RHOU: variants seen among roughly 807,000 people sequenced by gnomAD.
RHOU encodes rho-related GTP-binding protein RhoU.
In RHOU, 8 loss-of-function variants were observed where a neutral mutation model predicts 12.6. That is an observed-to-expected ratio of 0.64 (90% CI 0.37 to 1.15). The LOEUF (loss-of-function observed/expected upper bound fraction) is 1.15, where lower values mean the gene tolerates loss of function less well. Ranked by LOEUF, RHOU falls within the 50% of genes most tolerant of loss-of-function variation. The probability of loss-of-function intolerance (pLI) is 0.01; values close to 1 mark genes in which losing one functional copy is unlikely to be tolerated. For missense variants in RHOU, 258 were observed against 347.0 expected (o/e 0.74, Z 2.04); for synonymous variants, 161 against 147.4 (o/e 1.09, Z -0.67).
At chr1:228,650,368 C>T in the RHOU span, 14 of 460,542 alleles carry the variant, frequency 3.0e-5, no homozygotes, top group Admixed American at 9.4e-5. Context: ...GCCTGGCTCA[C>T]TCAACATCAA....
chr1:228,682,724 CAAAT>C, the RHOU span, among the ~76,000 whole-genome samples: 1 of 152,110 alleles, frequency 6.6e-6, no homozygotes, highest in African/African-American at 2.4e-5. Flanking sequence ...AATAGAAACA[CAAAT>C]AAAAACCTCA....
At chr1:228,662,661 C>T in the RHOU span, among the ~76,000 whole-genome samples, 80,441 of 141,948 alleles carry the variant, frequency 0.57, 24,005 homozygotes, top group African/African-American at 0.76. Context: ...GCAGGGAACA[C>T]CACACACTGG....
At chr1:228,676,234 G>A in the RHOU span, among the ~76,000 whole-genome samples, 1 of 151,112 alleles carries the variant, frequency 6.6e-6, no homozygotes, top group Non-Finnish European at 1.5e-5. Flanking sequence ...ACCTTCCAAA[G>A]CACTGAGATT....
the RHOU span, among the ~76,000 whole-genome samples, chr1:228,680,359 G>A: frequency 5.3e-5 from 8 of 152,168 alleles, no homozygotes; most frequent in Non-Finnish European, 7.3e-5. Flanking sequence ...ATCCCGGGCC[G>A]TGGGCATTCT....
At chr1:228,669,620 C>G in the RHOU span, among the ~76,000 whole-genome samples, 2 of 152,122 alleles carry the variant, frequency 1.3e-5, no homozygotes, top group African/African-American at 2.4e-5. Context: ...AACTAAAAGG[C>G]CTTAACTTGC....
At chr1:228,681,692 G>A in the RHOU span, among the ~76,000 whole-genome samples, 7 of 152,190 alleles carry the variant, frequency 4.6e-5, no homozygotes, top group East Asian at 3.9e-4. Flanking sequence ...GGGGCCAAGC[G>A]GTGTTGGAGA....
chr1:228,668,455 CT>C, the RHOU span, among the ~76,000 whole-genome samples: 1 of 152,130 alleles, frequency 6.6e-6, no homozygotes, highest in African/African-American at 2.4e-5. Context: ...AGCCTTTAAC[CT>C]GTGAGTTTCA....
chr1:228,687,292 C>G, the RHOU span: 1 of 648,712 alleles, frequency 1.5e-6, no homozygotes, highest in Non-Finnish European at 2.7e-6. Context: ...CAAGAGTTAT[C>G]CCTTTCTTTT....
chr1:228,670,127 A>C, the RHOU span, among the ~76,000 whole-genome samples: 6 of 152,216 alleles, frequency 3.9e-5, no homozygotes, highest in Non-Finnish European at 8.8e-5. Flanking sequence ...TGGTAAGAGC[A>C]GTAAAGAGGA....
the RHOU span, among the ~76,000 whole-genome samples, chr1:228,646,774 C>A: frequency 3.3e-5 from 5 of 151,984 alleles, no homozygotes; most frequent in African/African-American, 1.2e-4. Context: ...GTTCCGGAAC[C>A]CGCACGCGAG....
the RHOU span, among the ~76,000 whole-genome samples, chr1:228,716,105 T>C: frequency 8.5e-5 from 13 of 152,178 alleles, no homozygotes; most frequent in Admixed American, 2.0e-4. Flanking sequence ...TTTGTAAATA[T>C]AGGGGCCTTG....
chr1:228,740,293 T>G (rs992014146), intron 2 of RHOU, among the ~76,000 whole-genome samples: 1 of 152,200 alleles, frequency 6.6e-6, no homozygotes, highest in African/African-American at 2.4e-5. Flanking sequence ...TTAGCAATAT[T>G]TTCAATGAGA....
the RHOU span, among the ~76,000 whole-genome samples, chr1:228,659,981 A>C: frequency 1.1e-3 from 168 of 149,078 alleles, no homozygotes; most frequent in African/African-American, 4.0e-3. Context: ...AAAAAAAAAA[A>C]CAAGAAAGAA....
the RHOU span, among the ~76,000 whole-genome samples, chr1:228,691,505 A>G: frequency 6.7e-6 from 1 of 149,604 alleles, no homozygotes; most frequent in African/African-American, 2.5e-5. Context: ...TATACTTGGA[A>G]TCTTATAGTG....
At chr1:228,672,040 CAA>C in the RHOU span, among the ~76,000 whole-genome samples, 2 of 152,172 alleles carry the variant, frequency 1.3e-5, no homozygotes, top group Admixed American at 1.3e-4. Flanking sequence ...GCACACAAAT[CAA>C]AAGAGTTCCT....
At chr1:228,705,803 G>A in the RHOU span, among the ~76,000 whole-genome samples, 1 of 152,176 alleles carries the variant, frequency 6.6e-6, no homozygotes, top group Non-Finnish European at 1.5e-5. Flanking sequence ...CAGCACTTCG[G>A]GAGGCCGAGA....
the RHOU span, chr1:228,652,328 G>A: frequency 6.6e-6 from 1 of 152,346 alleles, no homozygotes; most frequent in South Asian, 2.1e-4. Flanking sequence ...GGAATTTGCA[G>A]ATTTTGCAAT....
chr1:228,703,187 C>T, the RHOU span, among the ~76,000 whole-genome samples: 1 of 152,158 alleles, frequency 6.6e-6, no homozygotes, highest in Non-Finnish European at 1.5e-5. Context: ...CTCTCAGACA[C>T]CCTTTCAAAT....
chr1:228,658,970 A>G, the RHOU span, among the ~76,000 whole-genome samples: 2 of 152,246 alleles, frequency 1.3e-5, no homozygotes, highest in Non-Finnish European at 2.9e-5. Flanking sequence ...TTCAAGGCTC[A>G]GCTGTACTCA....
Sources: gnomAD v4.1 joint callset for allele counts (sites outside exome capture counted in the v4.1 genomes callset) on GRCh38, gnomAD v4.1.1 for gene constraint, MANE v1.5 for transcripts, NCBI Gene and HGNC (gene_info 2026-07-23, HGNC 2026-07-21) for gene names.